TRIO: variants seen among roughly 807,000 people sequenced by gnomAD.
TRIO encodes triple functional domain protein.
TRIO carries 58 observed loss-of-function variants against 351.9 expected under a neutral mutation model. The observed-to-expected ratio is 0.16, with a 90% confidence interval of 0.13 to 0.21. TRIO has a LOEUF of 0.21. Among genes scored for constraint, TRIO ranks in the 10% least tolerant of loss-of-function variants. The pLI, the probability that TRIO is intolerant of heterozygous loss-of-function variation, is 1.00. For synonymous variants in TRIO, 1,758 were observed against 1,595.7 expected (o/e 1.10, Z -2.42); for missense variants, 3,201 against 4,027.8 (o/e 0.79, Z 5.56).
intron 11 of TRIO, among the ~76,000 whole-genome samples, chr5:14,339,466 T>C (rs2152321526): frequency 6.6e-6 from 1 of 152,364 alleles, no homozygotes; most frequent in East Asian, 1.9e-4. Context: ...TAAGGAGACC[T>C]TAAATCAGTT....
chr5:14,237,461 A>G (rs16903321), intron 1 of TRIO, among the ~76,000 whole-genome samples: 5,237 of 152,224 alleles, frequency 0.034, 304 homozygotes, highest in African/African-American at 0.12. Context: ...AATGGCTTGC[A>G]TGTTGCCTTG....
intron 1 of TRIO, among the ~76,000 whole-genome samples, chr5:14,208,110 G>A (rs570520770): frequency 8.5e-5 from 13 of 152,314 alleles, no homozygotes; most frequent in African/African-American, 3.1e-4. Context: ...TTTCTTAAAA[G>A]TTTAAACATA....
At chr5:14,384,925 A>G (rs1746406237) in intron 21 of TRIO, among the ~76,000 whole-genome samples, 1 of 152,128 alleles carries the variant, frequency 6.6e-6, no homozygotes, top group African/African-American at 2.4e-5. Context: ...AATAAGGAAA[A>G]AAAAGACCAA....
chr5:14,224,890 C>T (rs951630217), intron 1 of TRIO, among the ~76,000 whole-genome samples: 7 of 151,772 alleles, frequency 4.6e-5, no homozygotes, highest in African/African-American at 7.3e-5. Flanking sequence ...ATGTTAAATA[C>T]GCAATAGGTG....
intron 1 of TRIO, among the ~76,000 whole-genome samples, chr5:14,250,762 C>T (rs936537725): frequency 2.0e-5 from 3 of 152,110 alleles, no homozygotes; most frequent in African/African-American, 4.8e-5. Context: ...TGCCTTTCTC[C>T]GTGGTCACCA....
In TRIO at chr5:14,427,520, A is replaced by G. The variant is rs1184956984; in HGVS notation, c.5203+7499A>G. ...CCTGCTCAGAATACAACCAGTTACCAGAAACGACCTCACCCCTCCAACCAC... is the reference window on the plus strand; with the variant it reads ...CCTGCTCAGAATACAACCAGTTACCGGAAACGACCTCACCCCTCCAACCAC... On this transcript the variant is annotated intron_variant, in intron 34 of 56. Transcript: ENST00000344204. 5.9e-5 allele frequency among the ~76,000 whole-genome samples: 9 copies of G among 152,180 alleles called. 1 individual carries two copies. The highest frequency in any genetic ancestry group is 3.9e-4 in the Admixed American group (6 of 15,276).
Position 14,236,715 on chromosome 5 carries a change from A to C in TRIO, c.158-34110A>C, listed in dbSNP as rs932102997. Among the ~76,000 whole-genome samples, 3 of 152,308 alleles carry C rather than the reference A, an allele frequency of 2.0e-5. No individual in the cohort carries two copies. The East Asian group carries it at 5.8e-4, about 29-fold the overall frequency. ...TTGTGTAGCAGCTTTATTGAAGTAT[A>C]ATTCATATAGCATACAATTTCCCCA... is the stretch of plus-strand genomic sequence containing the variant. On this transcript the variant is annotated intron_variant, in intron 1 of 56. Transcript: ENST00000344204.
chr5:14,281,424 A>ACCCCCCCCCCCCC (rs3061076), intron 3 of TRIO, among the ~76,000 whole-genome samples: 3 of 89,410 alleles, frequency 3.4e-5, no homozygotes, highest in African/African-American at 9.4e-5. Flanking sequence ...AGCCGTTAGA[A>ACCCCCCCCCCCCC]CCCCCCCCCC....
chr5:14,324,470 A>T (rs1175549982), intron 9 of TRIO, among the ~76,000 whole-genome samples: 1 of 152,228 alleles, frequency 6.6e-6, no homozygotes, highest in East Asian at 1.9e-4. Context: ...TTGGATGCAG[A>T]ATTACCTGTA....
intron 1 of TRIO, among the ~76,000 whole-genome samples, chr5:14,169,026 T>A (rs1321867170): frequency 6.6e-6 from 1 of 152,202 alleles, no homozygotes; most frequent in African/African-American, 2.4e-5. Flanking sequence ...GGGGATTAGT[T>A]TTTTGACTAC....
chr5:14,396,214 C>A (rs1489104235), intron 28 of TRIO, among the ~76,000 whole-genome samples: 1 of 151,892 alleles, frequency 6.6e-6, no homozygotes, highest in Non-Finnish European at 1.5e-5. Flanking sequence ...CTTTTCTAAA[C>A]ATCCTACGCA....
intron 1 of TRIO, among the ~76,000 whole-genome samples, chr5:14,254,708 A>T (rs1794933104): frequency 6.6e-6 from 1 of 152,222 alleles, no homozygotes; most frequent in Admixed American, 6.5e-5. Flanking sequence ...TATATGAAAT[A>T]GGCTTTGGTG....
intron 56 of TRIO, 144 bp from the exon 57 acceptor site, chr5:14,507,736 G>A: frequency 2.0e-6 from 2 of 1,017,678 alleles, no homozygotes; most frequent in Non-Finnish European, 2.8e-6. Flanking sequence ...TGCCAGCTGA[G>A]TGGTCCGGCC....
At chr5:14,470,836 C>T (rs2126547885) in intron 37 of TRIO, among the ~76,000 whole-genome samples, 1 of 152,320 alleles carries the variant, frequency 6.6e-6, no homozygotes, top group Middle Eastern at 3.4e-3. Flanking sequence ...AGGAAACAAA[C>T]CAAGTTTGTT....
chr5:14,389,501 A>AT lies in TRIO; in HGVS notation c.4058+107dup. 1.2e-5 allele frequency: 10 copies of AT among 818,644 alleles called. 2 individuals are homozygous for AT. The South Asian group carries it at 2.0e-4, about 16-fold the overall frequency. 50.7% of individuals were successfully genotyped at this position (818,644 alleles called of 1,614,324 possible). A position where few individuals can be genotyped will look rare whatever the true frequency, so the allele number is the denominator to read the frequency against. ...CCATTGAATTAAGCAGATTTCAGTG[A>AT]TTTTGTTTCCATTTGAATGAAGCCT... On this transcript the variant is annotated intron_variant, in intron 25 of 56. Transcript: ENST00000344204.
chr5:14,270,648 T>C (rs1044932502), intron 1 of TRIO, among the ~76,000 whole-genome samples, 177 bp from the exon 2 acceptor site: 3 of 152,210 alleles, frequency 2.0e-5, no homozygotes, highest in African/African-American at 7.2e-5. Context: ...AACATTAAAA[T>C]AGAAGACAGT....
At chr5:14,337,333 G>T (rs1201386063) in intron 11 of TRIO, among the ~76,000 whole-genome samples, 1 of 152,150 alleles carries the variant, frequency 6.6e-6, no homozygotes, top group Non-Finnish European at 1.5e-5. Flanking sequence ...TTACATGAAA[G>T]AAACTACTAT....
chr5:14,252,404 G>A (rs1328143665), intron 1 of TRIO, among the ~76,000 whole-genome samples: 12 of 152,202 alleles, frequency 7.9e-5, no homozygotes, highest in Admixed American at 7.8e-4. Flanking sequence ...ACTGTTAGGT[G>A]CCCACTGAGA....
At chr5:14,350,493 T>C (rs1177453691) in intron 11 of TRIO, among the ~76,000 whole-genome samples, 1 of 152,204 alleles carries the variant, frequency 6.6e-6, no homozygotes, top group Non-Finnish European at 1.5e-5. Context: ...GTCTGTGAGC[T>C]TTGGCCCCAG....
Sources: allele counts gnomAD v4.1 joint callset (sites outside exome capture counted in the v4.1 genomes callset), GRCh38; gene constraint gnomAD v4.1.1; transcripts MANE v1.5; gene names NCBI Gene and HGNC (gene_info 2026-07-23, HGNC 2026-07-21).